Variants in FRMD4A observed in about 807,000 individuals in gnomAD.
FRMD4A encodes FERM domain containing 4A.
Under a neutral mutation model 129.1 loss-of-function variants are expected in FRMD4A, and 29 were observed. The ratio of observed to expected loss-of-function variants is 0.22; its 90% CI spans 0.17 to 0.31. The LOEUF (loss-of-function observed/expected upper bound fraction) is 0.31. Ranked by LOEUF, FRMD4A falls within the 10% of genes least tolerant of loss-of-function variation. The pLI is 1.00. For missense variants in FRMD4A, 1,272 were observed against 1,375.8 expected (o/e 0.92, Z 1.19); for synonymous variants, 634 against 571.6 (o/e 1.11, Z -1.56).
intron 2 of FRMD4A, among the ~76,000 whole-genome samples, chr10:14,316,608 T>C (rs1253550999): frequency 6.6e-6 from 1 of 151,806 alleles, no homozygotes; most frequent in Non-Finnish European, 1.5e-5. Context: ...CCTGAGTTGG[T>C]CCTCTCAGAA....
At chr10:13,891,809 C>T in intron 2 of FRMD4A, 1 of 903,960 alleles carries the variant, frequency 1.1e-6, no homozygotes, top group Non-Finnish European at 1.3e-6. Flanking sequence ...CGGCGTCAGC[C>T]CATAGCCCGC....
At chr10:14,162,648 T>G (rs2139914) in intron 2 of FRMD4A, among the ~76,000 whole-genome samples, 48,183 of 147,198 alleles carry the variant, frequency 0.33, 9,184 homozygotes, top group East Asian at 0.52. Flanking sequence ...TTTGTTTTTT[T>G]TTTTTTTTTT....
Position 13,981,340 on chromosome 10 carries a change from T to A in FRMD4A, c.46-122428A>T, listed in dbSNP as rs149563008. On this transcript the variant is annotated intron_variant, in intron 2 of 24. Transcript: ENST00000357447. ...GTTTAAAGCAGTCAACCAAAGCATC[T>A]GTGAATAATGAATCGAGAGTTTAGG... is the stretch of plus-strand genomic sequence containing the variant. Among the ~76,000 whole-genome samples, 1,329 of 152,230 alleles carry A rather than the reference T, an allele frequency of 8.7e-3. 6 individuals carry two copies. Among genetic ancestry groups the A allele is most frequent in the Middle Eastern group, 0.024 (7 of 294 alleles).
intron 2 of FRMD4A, among the ~76,000 whole-genome samples, chr10:13,908,420 T>C (rs1387871018): frequency 6.6e-6 from 1 of 152,218 alleles, no homozygotes; most frequent in East Asian, 1.9e-4. Flanking sequence ...CAGTATACAC[T>C]GTTTTGTGTG....
chr10:13,669,030 G>C (rs1394475370), intron 17 of FRMD4A, among the ~76,000 whole-genome samples: 2 of 148,082 alleles, frequency 1.4e-5, no homozygotes. Flanking sequence ...CCATTTTACA[G>C]ACCAGGAACT....
At chr10:13,950,874 T>C (rs2095366131) in intron 2 of FRMD4A, among the ~76,000 whole-genome samples, 1 of 152,194 alleles carries the variant, frequency 6.6e-6, no homozygotes, top group Non-Finnish European at 1.5e-5. Context: ...TCTCTTGCCA[T>C]GGAGAATGGA....
chr10:13,656,389 C>G (rs1377341937), intron 22 of FRMD4A, among the ~76,000 whole-genome samples: 1 of 152,120 alleles, frequency 6.6e-6, no homozygotes, highest in Non-Finnish European at 1.5e-5. Flanking sequence ...GAGAGCTGGC[C>G]CAGTGCACTC....
intron 2 of FRMD4A, among the ~76,000 whole-genome samples, chr10:13,878,067 G>A (rs2094506634): frequency 6.6e-6 from 1 of 152,138 alleles, no homozygotes; most frequent in Non-Finnish European, 1.5e-5. Flanking sequence ...GCAAACGAGA[G>A]TCTAAATATA....
At chr10:14,317,385 A>C (rs1162911566) in intron 2 of FRMD4A, among the ~76,000 whole-genome samples, 1 of 151,986 alleles carries the variant, frequency 6.6e-6, no homozygotes, top group African/African-American at 2.4e-5. Flanking sequence ...ACTACCACTT[A>C]CCTCACCCAC....
intron 2 of FRMD4A, among the ~76,000 whole-genome samples, chr10:13,951,035 C>T (rs1043048892): frequency 1.2e-4 from 19 of 152,054 alleles, no homozygotes; most frequent in Non-Finnish European, 2.1e-4. Context: ...GGATGAGGAG[C>T]AAGAGAAACT....
intron 2 of FRMD4A, among the ~76,000 whole-genome samples, chr10:14,111,533 T>C (rs1246453073): frequency 6.6e-6 from 1 of 152,158 alleles, no homozygotes; most frequent in East Asian, 1.9e-4. Context: ...TGCAGCACTA[T>C]GGTTAGGGAA....
intron 12 of FRMD4A, among the ~76,000 whole-genome samples, chr10:13,731,853 C>T (rs2090343325): frequency 6.6e-6 from 1 of 151,872 alleles, no homozygotes; most frequent in African/African-American, 2.4e-5. Context: ...TATGTTGTTC[C>T]AAAATACTAC....
intron 2 of FRMD4A, among the ~76,000 whole-genome samples, chr10:14,121,929 C>T (rs1001317667): frequency 4.6e-5 from 7 of 152,146 alleles, no homozygotes; most frequent in Non-Finnish European, 1.0e-4. Context: ...TGATGGTGTT[C>T]ACATGAGAAG....
chr10:13,875,941 G>A (rs903127298), intron 2 of FRMD4A, among the ~76,000 whole-genome samples: 16 of 152,232 alleles, frequency 1.1e-4, no homozygotes, highest in African/African-American at 3.9e-4. Context: ...ATAAAGTGAA[G>A]GTGGGTTAAC....
intron 5 of FRMD4A, among the ~76,000 whole-genome samples, chr10:13,795,436 A>G (rs2093093956): frequency 6.6e-6 from 1 of 152,236 alleles, no homozygotes; most frequent in Admixed American, 6.5e-5. Flanking sequence ...CGAGCCTGTT[A>G]AGTGGACCCT....
intron 2 of FRMD4A, among the ~76,000 whole-genome samples, chr10:14,178,324 C>A (rs193153451): frequency 6.6e-6 from 1 of 152,298 alleles, no homozygotes; most frequent in Admixed American, 6.5e-5. Flanking sequence ...ACATTGAGTA[C>A]CTCGTTCACT....
chr10:13,700,445 GGAGGGAAAT>G lies in FRMD4A; in HGVS notation c.975+886_975+894del, dbSNP rs1285573321. Among the ~76,000 whole-genome samples, 3 of 152,338 alleles carry G rather than the reference GGAGGGAAAT, an allele frequency of 2.0e-5. No homozygotes were observed. The East Asian group carries it at 5.8e-4, about 29-fold the overall frequency. ...ACCTTCTCCCAAGAACTCACGCGATGGAGGGAAATCCTCCGTAAGTGCTAGAAACCACTA... is the reference window on the plus strand; with the variant it reads ...ACCTTCTCCCAAGAACTCACGCGATGCCTCCGTAAGTGCTAGAAACCACTA... On this transcript the variant is annotated intron_variant, in intron 14 of 24. Coordinates refer to ENST00000357447, the MANE Select transcript of FRMD4A (RefSeq NM_018027.5).
intron 6 of FRMD4A, among the ~76,000 whole-genome samples, chr10:13,766,228 T>C (rs1017997319): frequency 6.6e-6 from 1 of 152,158 alleles, no homozygotes; most frequent in Non-Finnish European, 1.5e-5. Context: ...ACCAAAAATA[T>C]CCACAGGAAA....
intron 3 of FRMD4A, among the ~76,000 whole-genome samples, chr10:13,813,687 A>T (rs2093487811): frequency 6.6e-6 from 1 of 152,192 alleles, no homozygotes; most frequent in African/African-American, 2.4e-5. Context: ...TGGCTCATGT[A>T]CTTTATTGAA....
Sources: allele counts gnomAD v4.1 joint callset (sites outside exome capture counted in the v4.1 genomes callset), GRCh38; gene constraint gnomAD v4.1.1; transcripts MANE v1.5; gene names NCBI Gene and HGNC (gene_info 2026-07-23, HGNC 2026-07-21).